Variants in PTPRF observed in about 807,000 individuals in gnomAD.
The protein encoded by PTPRF is protein tyrosine phosphatase receptor type F.
PTPRF carries 59 observed loss-of-function variants against 201.8 expected under a neutral mutation model. The observed-to-expected ratio is 0.29, with a 90% CI of 0.24 to 0.36. The LOEUF (loss-of-function observed/expected upper bound fraction) is 0.36. PTPRF is among the 10% of genes least tolerant of loss of function. The pLI is 1.00. For missense variants in PTPRF, 2,132 were observed against 2,690.5 expected (o/e 0.79, Z 4.59); for synonymous variants, 1,088 against 1,089.7 (o/e 1.00, Z 0.03).
intron 31 of PTPRF, 112 bp from the exon 32 acceptor site, chr1:43,620,726 G>A (rs1033299242): frequency 5.8e-5 from 88 of 1,523,516 alleles, no homozygotes; most frequent in Non-Finnish European, 7.2e-5. Context: ...CTGTGGCCTC[G>A]GGTGCAGTGA....
chr1:43,556,911 G>GAC (rs1473176786), intron 5 of PTPRF, among the ~76,000 whole-genome samples: 2 of 152,220 alleles, frequency 1.3e-5, no homozygotes, highest in African/African-American at 2.4e-5. Flanking sequence ...CCCACGGGGG[G>GAC]ACATACCTGT....
In PTPRF at chr1:43,597,903, C is replaced by T; in HGVS notation, c.1969C>T (p.His657Tyr). The change falls in exon 12 of 34, where the codon CAT becomes TAT. Residue 657 changes from histidine (H) to tyrosine (Y), a missense_variant. This residue lies in a region of PTPRF where 125 missense variants were observed against 211.9 expected (regional missense o/e 0.59). Coordinates refer to ENST00000359947, the MANE Select transcript of PTPRF (RefSeq NM_002840.5). ...EAVDGEDRGR[H>Y]VVDGISREHS... The stretch of plus-strand genomic sequence containing the variant: ...GGTGGACGGCGAGGACCGCGGGCGG[C>T]ATGTGGTGGATGGCATCAGCCGTGA... 1 of 1,604,564 alleles carries T rather than the reference C, an allele frequency of 6.2e-7. No homozygotes were observed. Among genetic ancestry groups the T allele is most frequent in the Non-Finnish European group, 8.5e-7 (1 of 1,176,124 alleles).
At chr1:43,620,025 C>T in intron 29 of PTPRF, 70 bp from the exon 30 acceptor site, 7 of 1,601,874 alleles carry the variant, frequency 4.4e-6, no homozygotes, top group Middle Eastern at 1.7e-4. Context: ...CCCCAAGGGG[C>T]TAGGCAGCCT....
intron 3 of PTPRF, among the ~76,000 whole-genome samples, chr1:43,551,812 A>G (rs1019148299): frequency 4.6e-5 from 7 of 152,174 alleles, no homozygotes; most frequent in Non-Finnish European, 8.8e-5. Flanking sequence ...ATCTCATTCC[A>G]TCTATGACAG....
chr1:43,563,737 G>T (rs932980737), intron 5 of PTPRF, among the ~76,000 whole-genome samples: 7 of 152,192 alleles, frequency 4.6e-5, no homozygotes, highest in Admixed American at 4.6e-4. Context: ...GAAGTGAGAG[G>T]GAGGCTATCA....
chr1:43,592,035 T>C (rs1238328353), intron 10 of PTPRF, 87 bp downstream of exon 10: 2 of 1,559,342 alleles, frequency 1.3e-6, no homozygotes, highest in East Asian at 4.5e-5. Context: ...ATTTTCTGGA[T>C]TCTGTGGCTT....
chr1:43,603,931 C>T lies in PTPRF; in HGVS notation c.2779C>T (p.Leu927=). Residue 927 remains leucine (L), a synonymous_variant, in exon 16 of 34, where the codon CTG becomes TTG. Transcript: ENST00000359947. The surrounding 1 kb of genome is among the most constrained non-coding windows in gnomAD (Gnocchi z 5.8). The part of the protein sequence containing the change: ...GFPQNLHVTG[L]TTSTTELAWD... ...CCCCCAAAACCTGCATGTGACAGGA[C>T]TGACCACGTCTACCACAGAACTGGC... is the stretch of plus-strand genomic sequence containing the variant. 1 of 1,614,110 alleles carries T rather than the reference C, an allele frequency of 6.2e-7. No individual in the cohort carries two copies. The highest frequency in any genetic ancestry group is 8.5e-7 in the Non-Finnish European group (1 of 1,180,040).
At chr1:43,550,452 G>T (rs1305097575) in intron 3 of PTPRF, among the ~76,000 whole-genome samples, 1 of 152,218 alleles carries the variant, frequency 6.6e-6, no homozygotes, top group Non-Finnish European at 1.5e-5. Flanking sequence ...AGCTGGAGGG[G>T]CACTTTCTCC....
At chr1:43,523,938 C>A (rs1031087772), upstream of PTPRF, among the ~76,000 whole-genome samples, 16 of 151,078 alleles carry the variant, frequency 1.1e-4, no homozygotes, top group African/African-American at 3.9e-4. Context: ...TGCCATGCAC[C>A]TGTGGTCCCA....
At chr1:43,605,055 C>G in intron 17 of PTPRF, 55 bp downstream of exon 17, 1 of 1,594,804 alleles carries the variant, frequency 6.3e-7, no homozygotes. Context: ...CTGCTGGGTG[C>G]TGTCTTTCCA....
At chr1:43,548,119 TG>T (rs970513124) in intron 3 of PTPRF, among the ~76,000 whole-genome samples, 2 of 99,568 alleles carry the variant, frequency 2.0e-5, no homozygotes, top group Admixed American at 1.2e-4. Flanking sequence ...CATTTGCTAA[TG>T]GGGGGGTATT....
intron 6 of PTPRF, among the ~76,000 whole-genome samples, chr1:43,574,634 T>G (rs187542623): frequency 5.3e-5 from 8 of 152,322 alleles, no homozygotes; most frequent in African/African-American, 1.9e-4. Context: ...GCAAATAATT[T>G]CTTAGTATTA....
At chr1:43,612,886 C>T (rs1159876251) in intron 22 of PTPRF, 9 of 1,129,646 alleles carry the variant, frequency 8.0e-6, no homozygotes, top group Non-Finnish European at 1.1e-5. Flanking sequence ...CCCATCGCCT[C>T]CATCCTTCCT....
Position 43,569,621 on chromosome 1 carries a change from C to T in PTPRF, c.411C>T (p.Ile137=), listed in dbSNP as rs755720694. Reference sequence around the variant, plus strand: ...AGCTGCCCCCTGGGTTCCCTTCCATCGACATGGGGCCTCAGCTGAAGGTGG... The same window carrying T: ...AGCTGCCCCCTGGGTTCCCTTCCATTGACATGGGGCCTCAGCTGAAGGTGG... ...EEQLPPGFPS[I]DMGPQLKVVE... Residue 137 remains isoleucine (I), a synonymous_variant, in exon 6 of 34, where the codon ATC becomes ATT. Coordinates refer to ENST00000359947, the MANE Select transcript of PTPRF (RefSeq NM_002840.5). The T allele has an allele frequency of 7.5e-6, 12 of 1,610,542 alleles. No individual in the cohort carries two copies. Among genetic ancestry groups the T allele is most frequent in the East Asian group, 6.7e-5 (3 of 44,788 alleles).
intron 9 of PTPRF, 105 bp downstream of exon 9, chr1:43,591,658 G>T: frequency 7.0e-7 from 1 of 1,437,752 alleles, no homozygotes; most frequent in South Asian, 1.4e-5. Context: ...GGGGCTCTTG[G>T]GAGGATCAAG....
intron 23 of PTPRF, among the ~76,000 whole-genome samples, chr1:43,614,557 G>A (rs1657256605): frequency 6.6e-6 from 1 of 152,310 alleles, no homozygotes; most frequent in Admixed American, 6.5e-5. Context: ...GTGATTTAAA[G>A]ACAAGACTCC....
upstream of PTPRF, among the ~76,000 whole-genome samples, chr1:43,526,380 A>G (rs1299581461): frequency 3.9e-5 from 6 of 152,048 alleles, no homozygotes; most frequent in Non-Finnish European, 8.8e-5. Context: ...GGATCTCCTG[A>G]GCCCAGGAGT....
At chr1:43,534,548 C>T (rs1557656542) in intron 1 of PTPRF, among the ~76,000 whole-genome samples, 1 of 152,030 alleles carries the variant, frequency 6.6e-6, no homozygotes, top group African/African-American at 2.4e-5. Flanking sequence ...AGTGGTTGAG[C>T]GGGCCTTCAC....
At chr1:43,529,601 A>G (rs528148564), upstream of PTPRF, among the ~76,000 whole-genome samples, 74 of 151,710 alleles carry the variant, frequency 4.9e-4, no homozygotes, top group Non-Finnish European at 1.0e-3. Context: ...TAGGTCCCCC[A>G]TCCTTCATGG....
Sources: gnomAD v4.1 joint callset for allele counts (sites outside exome capture counted in the v4.1 genomes callset) on GRCh38, gnomAD v4.1.1 for gene constraint, gnomAD v4.1.1 regional missense constraint, Gnocchi (gnomAD v3.1) non-coding constraint, MANE v1.5 for transcripts, NCBI Gene and HGNC (gene_info 2026-07-23, HGNC 2026-07-21) for gene names.